CNKSR3: variants seen among roughly 807,000 people sequenced by gnomAD.
The protein encoded by CNKSR3 is CNKSR family member 3.
Under a neutral mutation model 67.7 loss-of-function variants are expected in CNKSR3, and 36 were observed. The observed-to-expected ratio is 0.53, with a 90% CI of 0.41 to 0.70. The LOEUF (loss-of-function observed/expected upper bound fraction) is 0.70, where lower values mean the gene tolerates loss of function less well. Ranked by LOEUF, CNKSR3 falls within the 30% of genes least tolerant of loss-of-function variation. The probability of loss-of-function intolerance (pLI) is 0.00; values close to 1 mark genes in which losing one functional copy is unlikely to be tolerated. For synonymous variants in CNKSR3, 281 were observed against 271.4 expected, an observed-to-expected ratio of 1.04 and a Z score of -0.35; for missense variants, 630 against 695.2, an observed-to-expected ratio of 0.91 and a Z score of 1.05.
chr6:154,476,495 G>T (rs1378633360), intron 1 of CNKSR3, among the ~76,000 whole-genome samples: 1 of 151,420 alleles, frequency 6.6e-6, no homozygotes, highest in Admixed American at 6.6e-5. Flanking sequence ...TTCACCCAAG[G>T]CCTGTTTGTT....
At chr6:154,410,816 G>T in intron 11 of CNKSR3, 118 bp downstream of exon 11, 1 of 760,802 alleles carries the variant, frequency 1.3e-6, no homozygotes. Context: ...TGAGGTTTAT[G>T]TTTTCCTCAG....
At position 154,503,640 on chromosome 6, in the gene CNKSR3, TAA is replaced by T. The variant is rs11340696; in HGVS notation, c.52+6421_52+6422del. 6.6e-3 allele frequency among the ~76,000 whole-genome samples: 948 copies of T among 143,736 alleles called. 4 individuals are homozygous for T. Among genetic ancestry groups the T allele is most frequent in the Non-Finnish European group, 9.3e-3 (611 of 65,742 alleles). The allele number at this position is 143,736 out of a possible 152,430, so 94.3% of individuals were successfully genotyped here. ...AGAGAGCAAGACCCTGCCTCTTATT[TAA>T]AAAAAAAAAAAAGGCTGTTATAAGA... On this transcript the variant is annotated intron_variant, in intron 1 of 12. Transcript: ENST00000607772.
chr6:154,450,967 T>TA (rs1205907695), intron 1 of CNKSR3, among the ~76,000 whole-genome samples: 13 of 152,248 alleles, frequency 8.5e-5, no homozygotes, highest in Admixed American at 2.6e-4. Flanking sequence ...TAAAGATACT[T>TA]CTAGCCCTAG....
Position 154,406,330 on chromosome 6 carries a change from C to T in CNKSR3, c.*24G>A. On this transcript the variant is annotated 3_prime_UTR_variant, in exon 13 of 13. Transcript: ENST00000607772. ...CAAGGCACTTGGGGCAGGAGCCAGGCAGGTGGCCTGAGCAGGGTCCCTCTC... is the reference window on the plus strand; with the variant it reads ...CAAGGCACTTGGGGCAGGAGCCAGGTAGGTGGCCTGAGCAGGGTCCCTCTC... The T allele has an allele frequency of 6.3e-7, 1 of 1,591,742 alleles. No homozygotes were observed. The highest frequency in any genetic ancestry group is 2.3e-5 in the East Asian group (1 of 43,982).
chr6:154,425,576 A>G (rs527605734), intron 7 of CNKSR3, among the ~76,000 whole-genome samples: 2 of 152,236 alleles, frequency 1.3e-5, no homozygotes, highest in African/African-American at 2.4e-5. Flanking sequence ...CTCCCACCGG[A>G]TCTCAGGGGT....
At chr6:154,464,461 A>C (rs900275944) in intron 1 of CNKSR3, among the ~76,000 whole-genome samples, 3 of 152,230 alleles carry the variant, frequency 2.0e-5, no homozygotes, top group Admixed American at 6.5e-5. Flanking sequence ...TCACACCTGT[A>C]ATCCCAGCCC....
rs1419461041 is a variant in CNKSR3, at chr6:154,406,366, C to T, written c.1656G>A (p.Leu552=). 3 of 1,612,172 alleles carry T rather than the reference C, an allele frequency of 1.9e-6. No homozygotes were observed. Among genetic ancestry groups the T allele is most frequent in the African/African-American group, 1.3e-5 (1 of 74,872 alleles). The part of the protein sequence containing the change: ...LLVSWFTRLK[L]LTH The stretch of plus-strand genomic sequence containing the variant: ...AGCAGGGTCCCTCTCAGTGAGTCAA[C>T]AGTTTGAGGCGCGTAAACCAGCTGA... Residue 552 remains leucine, a synonymous_variant, in exon 13 of 13, where the codon CTG becomes CTA. Transcript: ENST00000607772.
At chr6:154,416,787 T>C (rs575722700) in intron 9 of CNKSR3, among the ~76,000 whole-genome samples, 5 of 152,208 alleles carry the variant, frequency 3.3e-5, no homozygotes, top group African/African-American at 1.2e-4. Context: ...ATTCTGAAAA[T>C]ATCCTGGGCA....
At chr6:154,478,897 A>G (rs551917659) in intron 1 of CNKSR3, among the ~76,000 whole-genome samples, 9 of 152,352 alleles carry the variant, frequency 5.9e-5, no homozygotes, top group African/African-American at 2.2e-4. Context: ...AAGGCTTGCT[A>G]CAGATATCAT....
rs1233279469 is a variant in CNKSR3 at position 154,410,356 on chromosome 6, A to G, written c.1356T>C (p.Gly452=). 2 of 1,613,582 alleles carry G rather than the reference A, an allele frequency of 1.2e-6. No individual in the cohort carries two copies. The highest frequency in any genetic ancestry group is 2.7e-5 in the African/African-American group (2 of 74,962). The change falls in exon 12 of 13, where the codon GGT becomes GGC. Residue 452 remains glycine, a synonymous_variant. Coordinates refer to ENST00000607772, the MANE Select transcript of CNKSR3 (RefSeq NM_173515.4). ...GIVDPFARPR[G]HGRKGEDALC... ...GATGAAACGTACCTTTCCTGCCATG[A>G]CCTCGAGGTCTGGCAAAAGGGTCCA...
intron 1 of CNKSR3, among the ~76,000 whole-genome samples, chr6:154,467,913 C>T (rs1355230801): frequency 6.6e-6 from 1 of 151,748 alleles, no homozygotes; most frequent in Non-Finnish European, 1.5e-5. Flanking sequence ...GTGCCCACTA[C>T]CACGCCCGGC....
chr6:154,419,324 C>T lies in CNKSR3; in HGVS notation c.945+3182G>A, dbSNP rs1268887705. Among the ~76,000 whole-genome samples, 4 of 152,192 alleles carry T rather than the reference C, an allele frequency of 2.6e-5. No individual in the cohort carries two copies. The East Asian group carries it at 5.8e-4, about 22-fold the overall frequency. Reference sequence around the variant, plus strand: ...ACTCTCAAAGCACTACAATTACAGGCATGAGCCCCTGCAGCCAGCCCCGAA... The same window carrying T: ...ACTCTCAAAGCACTACAATTACAGGTATGAGCCCCTGCAGCCAGCCCCGAA... On this transcript the variant is annotated intron_variant, in intron 9 of 12. Transcript: ENST00000607772.
intron 1 of CNKSR3, among the ~76,000 whole-genome samples, chr6:154,450,650 C>T (rs1021818003): frequency 2.0e-5 from 3 of 152,198 alleles, no homozygotes; most frequent in Non-Finnish European, 2.9e-5. Flanking sequence ...CCAGTCAAGA[C>T]GCCTTGCCAC....
At chr6:154,509,493 GTT>G (rs1176841743) in intron 1 of CNKSR3, among the ~76,000 whole-genome samples, 2 of 150,812 alleles carry the variant, frequency 1.3e-5, no homozygotes, top group Non-Finnish European at 2.9e-5. Flanking sequence ...CTGGCTCGAG[GTT>G]TCTCCCTGGC....
chr6:154,479,558 A>G (rs1166765973), intron 1 of CNKSR3, among the ~76,000 whole-genome samples: 1 of 152,230 alleles, frequency 6.6e-6, no homozygotes, highest in East Asian at 1.9e-4. Flanking sequence ...TCACATAAAC[A>G]CAGATCTCAC....
chr6:154,469,972 T>C (rs1441852167), intron 1 of CNKSR3, among the ~76,000 whole-genome samples: 2 of 152,084 alleles, frequency 1.3e-5, no homozygotes, highest in East Asian at 3.8e-4. Context: ...CAAAGTTTTT[T>C]CAAATTGTTG....
At chr6:154,413,395 A>G (rs1784948834) in intron 10 of CNKSR3, among the ~76,000 whole-genome samples, 1 of 151,822 alleles carries the variant, frequency 6.6e-6, no homozygotes, top group Non-Finnish European at 1.5e-5. Context: ...ACACCCAGCT[A>G]ATTTTTTAAA....
chr6:154,432,817 T>C (rs1282842091), intron 5 of CNKSR3, among the ~76,000 whole-genome samples: 1 of 152,202 alleles, frequency 6.6e-6, no homozygotes, highest in Non-Finnish European at 1.5e-5. Flanking sequence ...CATCTAACCT[T>C]TCAAAATTAA....
intron 6 of CNKSR3, among the ~76,000 whole-genome samples, chr6:154,429,997 G>A (rs1418878767): frequency 6.6e-6 from 1 of 152,162 alleles, no homozygotes; most frequent in South Asian, 2.1e-4. Context: ...TAAGATGCAC[G>A]CTAGGTACTA....
Sources: allele counts gnomAD v4.1 joint callset (sites outside exome capture counted in the v4.1 genomes callset), GRCh38; gene constraint gnomAD v4.1.1; transcripts MANE v1.5; gene names NCBI Gene and HGNC (gene_info 2026-07-23, HGNC 2026-07-21).